The following CIB1 variants were observed in gnomAD, a reference collection of about 807,000 sequenced individuals.
CIB1 encodes the protein calcium and integrin-binding protein 1.
A neutral mutation model predicts 25.0 loss-of-function variants in CIB1; 19 were observed. The observed-to-expected ratio is 0.76, with a 90% CI of 0.53 to 1.12. The LOEUF is 1.12. CIB1 is among the 50% of genes most tolerant of loss of function. CIB1 has a pLI of 0.00. For missense variants in CIB1, 236 were observed against 242.6 expected, an observed-to-expected ratio of 0.97 and a Z score of 0.18; for synonymous variants, 104 against 98.5, an observed-to-expected ratio of 1.06 and a Z score of -0.33.
At chr15:90,260,602 C>T in the CIB1 span, among the ~76,000 whole-genome samples, 2,694 of 152,222 alleles carry the variant, frequency 0.018, 66 homozygotes, top group African/African-American at 0.058. Flanking sequence ...CCTGTAATCT[C>T]AGCCCTTTGG....
the CIB1 span, chr15:90,263,219 A>G: frequency 7.6e-7 from 1 of 1,313,866 alleles, no homozygotes. Context: ...TGTTGGTCTC[A>G]ACAAAGGAGG....
chr15:90,255,768 T>C, the CIB1 span: 1 of 1,614,080 alleles, frequency 6.2e-7, no homozygotes. Flanking sequence ...ATCAACCACT[T>C]CCCTGGCATG....
the CIB1 span, chr15:90,241,865 C>T: frequency 6.2e-7 from 1 of 1,614,168 alleles, no homozygotes; most frequent in Non-Finnish European, 8.5e-7. Flanking sequence ...GGAAGTCCAG[C>T]TTTGGGATAA....
At chr15:90,256,044 A>G in the CIB1 span, 10 of 1,555,192 alleles carry the variant, frequency 6.4e-6, no homozygotes, top group Non-Finnish European at 8.7e-6. Context: ...TGAGTGCTCC[A>G]GGAAGAGCAT....
the CIB1 span, chr15:90,257,147 A>C: frequency 1.2e-5 from 20 of 1,613,304 alleles, no homozygotes; most frequent in Middle Eastern, 3.3e-4. Context: ...GCCCCTCCTC[A>C]TTGATGGCTT....
At chr15:90,262,332 T>A in the CIB1 span, 63 of 1,156,270 alleles carry the variant, frequency 5.4e-5, no homozygotes, top group Non-Finnish European at 7.3e-5. Context: ...TTAGTGACTC[T>A]TTTCAGTTTA....
the CIB1 span, chr15:90,262,598 A>C: frequency 6.5e-7 from 1 of 1,534,258 alleles, no homozygotes; most frequent in East Asian, 2.4e-5. Context: ...TGGGGAGAAA[A>C]GCCGACCCAG....
At chr15:90,249,234 AAAAG>A in the CIB1 span, among the ~76,000 whole-genome samples, 7 of 141,438 alleles carry the variant, frequency 4.9e-5, no homozygotes, top group Admixed American at 1.5e-4. Flanking sequence ...AAAAAAAAAA[AAAAG>A]GGAGAATTGA....
the CIB1 span, chr15:90,262,375 C>T: frequency 7.4e-6 from 9 of 1,213,694 alleles, no homozygotes; most frequent in Admixed American, 2.4e-4. Context: ...TCATTGCTCT[C>T]GCATCAGTCC....
chr15:90,257,638 A>C, the CIB1 span: 1 of 1,614,152 alleles, frequency 6.2e-7, no homozygotes, highest in South Asian at 1.1e-5. Flanking sequence ...TTTCCACAGG[A>C]CAATGTCTGC....
At chr15:90,260,322 C>A in the CIB1 span, among the ~76,000 whole-genome samples, 23 of 151,858 alleles carry the variant, frequency 1.5e-4, no homozygotes, top group South Asian at 4.2e-4. Flanking sequence ...ACAGGCAAAA[C>A]CCTGTCTCTA....
the CIB1 span, among the ~76,000 whole-genome samples, chr15:90,256,567 TTCTTTC>T: frequency 9.9e-5 from 3 of 30,446 alleles, no homozygotes; most frequent in South Asian, 3.5e-3. Context: ...CTTTCTTTCT[TTCTTTC>T]TTTCTTTCTT....
At chr15:90,258,769 G>A in the CIB1 span, 51 of 1,614,116 alleles carry the variant, frequency 3.2e-5, no homozygotes, top group East Asian at 3.3e-4. Flanking sequence ...GCTTTACCAC[G>A]GACTCATGCC....
the CIB1 span, among the ~76,000 whole-genome samples, chr15:90,250,203 C>A: frequency 6.6e-6 from 1 of 152,090 alleles, no homozygotes; most frequent in Non-Finnish European, 1.5e-5. Flanking sequence ...AAGTGATCTG[C>A]CCGCCTCAGC....
the CIB1 span, chr15:90,265,226 C>T: frequency 7.5e-7 from 1 of 1,337,128 alleles, no homozygotes; most frequent in African/African-American, 1.5e-5. Context: ...AAGCCTTAGC[C>T]TGGGTTTATC....
the CIB1 span, chr15:90,258,180 C>A: frequency 6.2e-7 from 1 of 1,614,248 alleles, no homozygotes; most frequent in East Asian, 2.2e-5. Flanking sequence ...CTGTTTTCCC[C>A]AGTATCTGAA....
the CIB1 span, among the ~76,000 whole-genome samples, chr15:90,261,662 C>A: frequency 1.3e-5 from 2 of 152,080 alleles, no homozygotes; most frequent in Non-Finnish European, 2.9e-5. Flanking sequence ...TGCCTGTAAT[C>A]CCAGCTACTT....
At chr15:90,262,420 T>A in the CIB1 span, 1 of 1,395,614 alleles carries the variant, frequency 7.2e-7, no homozygotes, top group Non-Finnish European at 9.4e-7. Flanking sequence ...TCTTTCCTCA[T>A]CCCCATTTTT....
chr15:90,234,727 A>G (rs1406477164), upstream of CIB1: 1 of 152,238 alleles, frequency 6.6e-6, no homozygotes, highest in Non-Finnish European at 1.5e-5. Flanking sequence ...TGCTGTTCTC[A>G]TCATTCCAGC....
Sources: gnomAD v4.1 joint callset for allele counts (sites outside exome capture counted in the v4.1 genomes callset) on GRCh38, gnomAD v4.1.1 for gene constraint, MANE v1.5 for transcripts, NCBI Gene and HGNC (gene_info 2026-07-23, HGNC 2026-07-21) for gene names.